Variants in GABRB1 observed in about 807,000 individuals in gnomAD.
The protein encoded by GABRB1 is gamma-aminobutyric acid type A receptor subunit beta1.
In GABRB1, 17 loss-of-function variants were observed where a neutral mutation model predicts 51.6. The ratio of observed to expected loss-of-function variants is 0.33; its 90% CI spans 0.23 to 0.49. The LOEUF is 0.49. Ranked by LOEUF, GABRB1 falls within the 20% of genes least tolerant of loss-of-function variation. GABRB1 has a pLI of 0.99. For synonymous variants in GABRB1, 247 were observed against 218.9 expected, an observed-to-expected ratio of 1.13 and a Z score of -1.14; for missense variants, 410 against 600.6, an observed-to-expected ratio of 0.68 and a Z score of 3.32.
At chr4:47,159,976 T>C (rs1717866770) in intron 3 of GABRB1, among the ~76,000 whole-genome samples, 2 of 152,148 alleles carry the variant, frequency 1.3e-5, no homozygotes, top group Admixed American at 1.3e-4. Context: ...ATGTTGAGAT[T>C]CATATCAAAG....
At chr4:47,231,048 G>A (rs1269755529) in intron 4 of GABRB1, among the ~76,000 whole-genome samples, 2 of 152,110 alleles carry the variant, frequency 1.3e-5, no homozygotes, top group African/African-American at 4.8e-5. Flanking sequence ...AGAAATCCTG[G>A]GGCTAGGGAT....
chr4:47,259,696 T>C (rs1051832599), intron 4 of GABRB1, among the ~76,000 whole-genome samples: 1 of 152,288 alleles, frequency 6.6e-6, no homozygotes, highest in South Asian at 2.1e-4. Flanking sequence ...CCAGATTTTA[T>C]AGGTTCCAGA....
intron 4 of GABRB1, among the ~76,000 whole-genome samples, chr4:47,264,090 C>T (rs757478846): frequency 1.3e-5 from 2 of 151,890 alleles, no homozygotes; most frequent in South Asian, 2.1e-4. Flanking sequence ...TGTAGTGAGC[C>T]GAGTTCACCC....
chr4:46,995,953 C>A (rs1320431463), intron 1 of GABRB1, among the ~76,000 whole-genome samples: 3 of 151,964 alleles, frequency 2.0e-5, no homozygotes, highest in African/African-American at 4.8e-5. Flanking sequence ...GCATTTATAT[C>A]TCTTCTCATT....
At chr4:47,393,699 C>A (rs1033981128) in intron 5 of GABRB1, among the ~76,000 whole-genome samples, 2 of 152,182 alleles carry the variant, frequency 1.3e-5, no homozygotes, top group African/African-American at 4.8e-5. Flanking sequence ...ATACAGTATT[C>A]ATCCTATATG....
At chr4:47,176,243 A>G (rs1041754037) in intron 4 of GABRB1, among the ~76,000 whole-genome samples, 2 of 152,156 alleles carry the variant, frequency 1.3e-5, no homozygotes, top group Non-Finnish European at 2.9e-5. Flanking sequence ...ATGATAGGTA[A>G]TGAAAATTGC....
chr4:47,375,039 G>A (rs902852720), intron 5 of GABRB1, among the ~76,000 whole-genome samples: 8 of 152,188 alleles, frequency 5.3e-5, no homozygotes, highest in Admixed American at 3.9e-4. Flanking sequence ...ATATTTTAGC[G>A]ATGTGCATTT....
At chr4:47,044,861 C>T (rs980856438) in intron 3 of GABRB1, among the ~76,000 whole-genome samples, 5 of 151,896 alleles carry the variant, frequency 3.3e-5, no homozygotes, top group African/African-American at 1.2e-4. Flanking sequence ...AATAATTTCC[C>T]CCTCTTCCCT....
intron 4 of GABRB1, among the ~76,000 whole-genome samples, chr4:47,221,849 A>G (rs538971442): frequency 6.6e-6 from 1 of 152,126 alleles, no homozygotes; most frequent in African/African-American, 2.4e-5. Flanking sequence ...TGCCTGACTT[A>G]ATATCTATTG....
chr4:47,163,556 G>A (rs915981803), intron 4 of GABRB1, among the ~76,000 whole-genome samples: 4 of 151,946 alleles, frequency 2.6e-5, no homozygotes, highest in Non-Finnish European at 5.9e-5. Flanking sequence ...GAAGGGGAGT[G>A]TGGCAAGTGT....
chr4:47,365,709 A>G (rs972258732), intron 5 of GABRB1, among the ~76,000 whole-genome samples: 1 of 152,116 alleles, frequency 6.6e-6, no homozygotes, highest in African/African-American at 2.4e-5. Flanking sequence ...AGATCAAGGT[A>G]TTTATTCCTG....
At chr4:47,343,861 G>A (rs905567565) in intron 5 of GABRB1, among the ~76,000 whole-genome samples, 1 of 152,110 alleles carries the variant, frequency 6.6e-6, no homozygotes, top group East Asian at 1.9e-4. Flanking sequence ...TTCTACAAGT[G>A]GTAGCAGAAA....
intron 4 of GABRB1, among the ~76,000 whole-genome samples, chr4:47,258,029 T>G (rs1722283663): frequency 6.6e-6 from 1 of 152,182 alleles, no homozygotes; most frequent in South Asian, 2.1e-4. Flanking sequence ...TAGAGTAATA[T>G]TTTTAATGTG....
intron 4 of GABRB1, among the ~76,000 whole-genome samples, chr4:47,276,819 C>T (rs546424641): frequency 2.0e-5 from 3 of 152,170 alleles, no homozygotes; most frequent in Non-Finnish European, 4.4e-5. Context: ...AACCTCTACC[C>T]ACTCGAAGCC....
At position 47,242,873 on chromosome 4, in the gene GABRB1, A is replaced by G. The variant is rs762682731; in HGVS notation, c.462-77254A>G. On this transcript the variant is annotated intron_variant, in intron 4 of 8. Transcript: ENST00000295454. ...CTGAAGGTAGTTTCTTTTGCTGTGC[A>G]GAAGCTCTTTAGTTTAATTAGATCC... Among the ~76,000 whole-genome samples, 42 of 152,184 alleles carry G rather than the reference A, an allele frequency of 2.8e-4. 1 individual carries two copies. Among genetic ancestry groups the G allele is most frequent in the Admixed American group, 5.2e-4 (8 of 15,272 alleles).
At chr4:47,188,361 A>C (rs1719276631) in intron 4 of GABRB1, among the ~76,000 whole-genome samples, 1 of 152,036 alleles carries the variant, frequency 6.6e-6, no homozygotes, top group South Asian at 2.1e-4. Flanking sequence ...TTTTAATGCA[A>C]GATGTGACTG....
At chr4:47,123,737 T>TCATA (rs1553917497) in intron 3 of GABRB1, among the ~76,000 whole-genome samples, 68 of 82,530 alleles carry the variant, frequency 8.2e-4, no homozygotes, top group South Asian at 3.3e-3. Flanking sequence ...ATATCATATA[T>TCATA]TATTATATAT....
intron 5 of GABRB1, among the ~76,000 whole-genome samples, chr4:47,378,279 G>A (rs527805007): frequency 1.2e-4 from 18 of 152,322 alleles, no homozygotes; most frequent in African/African-American, 4.1e-4. Flanking sequence ...CACACCCTCC[G>A]CAGCCGCTGG....
At chr4:47,260,772 TTGA>T (rs1326564036) in intron 4 of GABRB1, among the ~76,000 whole-genome samples, 2 of 152,106 alleles carry the variant, frequency 1.3e-5, no homozygotes, top group Non-Finnish European at 2.9e-5. Flanking sequence ...ACCAATATCC[TTGA>T]TGAACATTGA....
Sources: allele counts gnomAD v4.1 joint callset (sites outside exome capture counted in the v4.1 genomes callset), GRCh38; gene constraint gnomAD v4.1.1; transcripts MANE v1.5; gene names NCBI Gene and HGNC (gene_info 2026-07-23, HGNC 2026-07-21).